DEPTOR: variants seen among roughly 807,000 people sequenced by gnomAD.
The protein encoded by DEPTOR is DEP domain containing MTOR interacting protein.
DEPTOR carries 41 observed loss-of-function variants against 41.6 expected under a neutral mutation model. The observed-to-expected ratio is 0.98, with a 90% confidence interval of 0.77 to 1.28. The LOEUF (loss-of-function observed/expected upper bound fraction) is 1.28. Among genes scored for constraint, DEPTOR ranks in the 50% most tolerant of loss-of-function variants. DEPTOR has a pLI of 0.00. For missense variants in DEPTOR, 514 were observed against 527.9 expected, an observed-to-expected ratio of 0.97 and a Z score of 0.26; for synonymous variants, 195 against 192.3, an observed-to-expected ratio of 1.01 and a Z score of -0.12.
intron 4 of DEPTOR, among the ~76,000 whole-genome samples, chr8:119,993,055 C>T (rs1468251125): frequency 1.3e-5 from 2 of 152,114 alleles, no homozygotes; most frequent in African/African-American, 2.4e-5. Flanking sequence ...GAGCCAATTT[C>T]CCCCCTTTTA....
intron 8 of DEPTOR, among the ~76,000 whole-genome samples, chr8:120,044,585 G>T (rs1373963884): frequency 6.6e-6 from 1 of 152,152 alleles, no homozygotes; most frequent in African/African-American, 2.4e-5. Flanking sequence ...GTGAATAGGG[G>T]GAGGGCAGGG....
intron 1 of DEPTOR, among the ~76,000 whole-genome samples, chr8:119,897,586 G>C (rs568254190): frequency 6.6e-6 from 1 of 152,264 alleles, no homozygotes; most frequent in South Asian, 2.1e-4. Context: ...AGCTTTTCAA[G>C]ATATTTCTCG....
chr8:119,990,072 A>G (rs1812128133), intron 4 of DEPTOR, among the ~76,000 whole-genome samples: 1 of 152,186 alleles, frequency 6.6e-6, no homozygotes, highest in African/African-American at 2.4e-5. Context: ...TTATCTTTGA[A>G]AATCCTACCC....
intron 4 of DEPTOR, among the ~76,000 whole-genome samples, chr8:119,969,379 A>C (rs1220479799): frequency 1.4e-5 from 2 of 141,564 alleles, no homozygotes; most frequent in Non-Finnish European, 3.1e-5. Flanking sequence ...TTTGAGATGG[A>C]GTTTTGCTCT....
intron 3 of DEPTOR, among the ~76,000 whole-genome samples, chr8:119,941,528 G>C (rs935465188): frequency 6.6e-6 from 1 of 152,116 alleles, no homozygotes; most frequent in Non-Finnish European, 1.5e-5. Flanking sequence ...GTACTGGCAA[G>C]CAAGAGAAAG....
intron 1 of DEPTOR, among the ~76,000 whole-genome samples, chr8:119,876,043 A>T (rs1315717043): frequency 6.6e-6 from 1 of 152,166 alleles, no homozygotes; most frequent in Non-Finnish European, 1.5e-5. Flanking sequence ...CTTCTGTTGG[A>T]TAGGGTTACT....
chr8:119,987,840 G>T (rs1283710094), intron 4 of DEPTOR, among the ~76,000 whole-genome samples: 1 of 152,174 alleles, frequency 6.6e-6, no homozygotes, highest in African/African-American at 2.4e-5. Flanking sequence ...ACCTACTCAA[G>T]CCTCAGTAAT....
At chr8:119,928,743 C>CTTTTGTTTTTTTT (rs1828001356) in intron 2 of DEPTOR, among the ~76,000 whole-genome samples, 165 bp downstream of exon 2, 1 of 127,920 alleles carries the variant, frequency 7.8e-6, no homozygotes, top group Non-Finnish European at 1.6e-5. Context: ...TGGGTTCTTT[C>CTTTTGTTTTTTTT]TTTTTTTTTT....
intron 1 of DEPTOR, 34 bp downstream of exon 1, chr8:119,874,002 T>A (rs1409796933): frequency 4.3e-6 from 7 of 1,611,836 alleles, no homozygotes; most frequent in Non-Finnish European, 5.1e-6. Flanking sequence ...GAGCTCACGA[T>A]GGCACTGCCA....
At chr8:120,004,290 AG>A (rs1303072948) in intron 6 of DEPTOR, among the ~76,000 whole-genome samples, 1 of 152,182 alleles carries the variant, frequency 6.6e-6, no homozygotes, top group African/African-American at 2.4e-5. Context: ...TGTTAGCAGC[AG>A]GAATAAATGT....
chr8:119,952,888 G>C (rs1828371666), intron 3 of DEPTOR, among the ~76,000 whole-genome samples: 1 of 152,160 alleles, frequency 6.6e-6, no homozygotes, highest in African/African-American at 2.4e-5. Flanking sequence ...GATCCTCGTT[G>C]TCAGACTATA....
At chr8:119,898,042 A>G (rs531602822) in intron 1 of DEPTOR, among the ~76,000 whole-genome samples, 53 of 152,330 alleles carry the variant, frequency 3.5e-4, no homozygotes, top group African/African-American at 1.2e-3. Context: ...ATAGATGCCA[A>G]TGTGAGGGAT....
intron 1 of DEPTOR, among the ~76,000 whole-genome samples, chr8:119,925,479 C>T (rs971515098): frequency 2.6e-5 from 4 of 152,100 alleles, no homozygotes; most frequent in South Asian, 2.1e-4. Flanking sequence ...TTCATTACCA[C>T]GCGAACAGTA....
intron 1 of DEPTOR, among the ~76,000 whole-genome samples, chr8:119,924,129 C>T (rs900721583): frequency 1.3e-5 from 2 of 152,150 alleles, no homozygotes; most frequent in African/African-American, 4.8e-5. Context: ...CATTGTTTTA[C>T]AGCTTAAGGG....
chr8:119,948,886 C>A (rs1328770301), intron 3 of DEPTOR, among the ~76,000 whole-genome samples: 1 of 152,126 alleles, frequency 6.6e-6, no homozygotes, highest in African/African-American at 2.4e-5. Context: ...CTCCCAGGTT[C>A]AAGCAATTCT....
intron 4 of DEPTOR, among the ~76,000 whole-genome samples, chr8:119,975,795 G>GCCGA (rs1828689688): frequency 6.6e-6 from 1 of 151,178 alleles, no homozygotes; most frequent in South Asian, 2.1e-4. Context: ...GTCTAACAGT[G>GCCGA]CCGACCTAGC....
chr8:120,014,348 C>G (rs1246326709), intron 8 of DEPTOR, among the ~76,000 whole-genome samples: 1 of 152,126 alleles, frequency 6.6e-6, no homozygotes, highest in Non-Finnish European at 1.5e-5. Flanking sequence ...AGAGAAGGAA[C>G]TGTCTCTTCT....
intron 4 of DEPTOR, among the ~76,000 whole-genome samples, chr8:119,983,478 A>G (rs758116860): frequency 5.1e-4 from 77 of 152,142 alleles, no homozygotes; most frequent in Middle Eastern, 6.8e-3. Context: ...TCTGCCTTCC[A>G]GGTTCAAGCG....
At position 119,962,471 on chromosome 8, in the gene DEPTOR, G is replaced by C. The variant is rs79061431; in HGVS notation, c.426-2761G>C. On this transcript the variant is annotated intron_variant, in intron 3 of 8. Coordinates refer to ENST00000286234, the MANE Select transcript of DEPTOR (RefSeq NM_022783.4). ...GGGTGTGGTGGGGAGAAGAGAGGGA[G>C]AGCATTCTAGCCATGGGGATGGCAA... is the stretch of plus-strand genomic sequence containing the variant. 7.6e-3 allele frequency among the ~76,000 whole-genome samples: 1,163 copies of C among 152,176 alleles called. 7 individuals carry two copies. The highest frequency in any genetic ancestry group is 0.012 in the Non-Finnish European group (835 of 68,012).
Sources: allele counts gnomAD v4.1 joint callset (sites outside exome capture counted in the v4.1 genomes callset), GRCh38; gene constraint gnomAD v4.1.1; transcripts MANE v1.5; gene names NCBI Gene and HGNC (gene_info 2026-07-23, HGNC 2026-07-21).